UBTD2: variants seen among roughly 807,000 people sequenced by gnomAD.
The protein encoded by UBTD2 is ubiquitin domain containing 2.
A neutral mutation model predicts 19.8 loss-of-function variants in UBTD2; 9 were observed. The ratio of observed to expected loss-of-function variants is 0.46; its 90% CI spans 0.27 to 0.79. UBTD2 has a LOEUF of 0.79. Among genes scored for constraint, UBTD2 ranks in the 30% least tolerant of loss-of-function variants. UBTD2 has a pLI of 0.14. For missense variants in UBTD2, 250 were observed against 300.4 expected, an observed-to-expected ratio of 0.83 and a Z score of 1.24; for synonymous variants, 98 against 103.9, an observed-to-expected ratio of 0.94 and a Z score of 0.35.
chr5:172,266,789 C>T (rs1202921816), intron 1 of UBTD2, among the ~76,000 whole-genome samples: 1 of 152,148 alleles, frequency 6.6e-6, no homozygotes, highest in East Asian at 1.9e-4. Flanking sequence ...GTGATCCCAA[C>T]ACTTTGGGAG....
intron 1 of UBTD2, among the ~76,000 whole-genome samples, chr5:172,256,474 C>T (rs1755153837): frequency 6.6e-6 from 1 of 150,982 alleles, no homozygotes; most frequent in Admixed American, 6.6e-5. Flanking sequence ...CTCAAGTATA[C>T]TCCTTTTTTA....
At chr5:172,224,421 CCT>C (rs2113881829) in intron 2 of UBTD2, among the ~76,000 whole-genome samples, 1 of 151,398 alleles carries the variant, frequency 6.6e-6, no homozygotes, top group Admixed American at 6.6e-5. Flanking sequence ...GCCTCAGGCT[CCT>C]GAGATTACAG....
intron 1 of UBTD2, among the ~76,000 whole-genome samples, chr5:172,265,038 T>C (rs1755346983): frequency 1.3e-5 from 2 of 152,238 alleles, no homozygotes; most frequent in Admixed American, 1.3e-4. Context: ...AAGGGCAACC[T>C]AAGTCCACTG....
chr5:172,234,596 C>G (rs1771971256), intron 1 of UBTD2, among the ~76,000 whole-genome samples: 1 of 152,162 alleles, frequency 6.6e-6, no homozygotes, highest in Non-Finnish European at 1.5e-5. Flanking sequence ...TCAGTACACC[C>G]TCCACAGGAT....
intron 1 of UBTD2, chr5:172,255,065 G>T: frequency 2.0e-6 from 1 of 500,736 alleles, no homozygotes; most frequent in East Asian, 4.8e-5. Flanking sequence ...CATCATCTGC[G>T]GCATGGACAA....
At chr5:172,249,401 G>T (rs1199242795) in intron 1 of UBTD2, among the ~76,000 whole-genome samples, 1 of 63,304 alleles carries the variant, frequency 1.6e-5, no homozygotes, top group African/African-American at 5.9e-5. Flanking sequence ...TCCGTCTCAT[G>T]AAAAAAAAAA....
At chr5:172,240,192 TACCA>T in intron 1 of UBTD2, among the ~76,000 whole-genome samples, 1 of 152,188 alleles carries the variant, frequency 6.6e-6, no homozygotes, top group Non-Finnish European at 1.5e-5. Context: ...GTTGTGGAGA[TACCA>T]ACCATGATCA....
intron 1 of UBTD2, among the ~76,000 whole-genome samples, chr5:172,275,160 G>A (rs1032683192): frequency 6.6e-6 from 1 of 152,206 alleles, no homozygotes; most frequent in African/African-American, 2.4e-5. Context: ...CAACAAACAC[G>A]TCCTTGTTCA....
chr5:172,231,832 G>A (rs564929082), intron 2 of UBTD2, among the ~76,000 whole-genome samples: 32 of 152,224 alleles, frequency 2.1e-4, no homozygotes, highest in African/African-American at 6.5e-4. Context: ...ACTCCTTCCC[G>A]TTATATTATA....
At chr5:172,253,575 T>TCC (rs955632407) in intron 1 of UBTD2, among the ~76,000 whole-genome samples, 3 of 151,964 alleles carry the variant, frequency 2.0e-5, no homozygotes, top group African/African-American at 7.3e-5. Context: ...TGCCTTGGCC[T>TCC]CCCAAGTACC....
rs1755752511 is a variant in UBTD2 at position 172,283,122 on chromosome 5, C to T, written c.70+474G>A. Among the ~76,000 whole-genome samples the T allele has an allele frequency of 6.6e-6, 1 of 152,162 alleles. No individual in the cohort carries two copies. Among genetic ancestry groups the T allele is most frequent in the African/African-American group, 2.4e-5 (1 of 41,436 alleles). ...ATCTGGAACCAACCGGGGCAGCTGT[C>T]ATCTGAAACTCAGGAAAGCTGAGAC... On this transcript the variant is annotated intron_variant, in intron 1 of 2. Transcript: ENST00000393792. The surrounding 1 kb of genome is among the most constrained non-coding windows in gnomAD (Gnocchi z 4.3).
chr5:172,230,538 TA>T (rs11316698), intron 2 of UBTD2, among the ~76,000 whole-genome samples: 111,045 of 151,908 alleles, frequency 0.73, 41,906 homozygotes, highest in African/African-American at 0.93. Flanking sequence ...TCCCAAGAGG[TA>T]AGACAGTTAT....
intron 2 of UBTD2, among the ~76,000 whole-genome samples, chr5:172,216,966 A>C (rs1771555782): frequency 6.6e-6 from 1 of 152,030 alleles, no homozygotes; most frequent in Non-Finnish European, 1.5e-5. Flanking sequence ...ACCTTGCCTA[A>C]AAAAACCACA....
chr5:172,219,152 A>C (rs898732070), intron 2 of UBTD2, among the ~76,000 whole-genome samples: 1 of 152,256 alleles, frequency 6.6e-6, no homozygotes, highest in Non-Finnish European at 1.5e-5. Flanking sequence ...ATAACTTTCC[A>C]AAACAGAAAA....
At chr5:172,254,880 T>C in intron 1 of UBTD2, 1 of 502,834 alleles carries the variant, frequency 2.0e-6, no homozygotes, top group Non-Finnish European at 3.7e-6. Context: ...ATGCTACTAC[T>C]GGAATTTTTC....
At chr5:172,223,837 T>C (rs1388763141) in intron 2 of UBTD2, among the ~76,000 whole-genome samples, 1 of 151,946 alleles carries the variant, frequency 6.6e-6, no homozygotes, top group African/African-American at 2.4e-5. Flanking sequence ...TCAGATTAGT[T>C]AATGAGAAGG....
At chr5:172,283,768 C>A (rs918623009), upstream of UBTD2, 12 of 780,968 alleles carry the variant, frequency 1.5e-5, no homozygotes, top group Admixed American at 3.2e-4. The surrounding 1 kb of genome is among the most constrained non-coding windows in gnomAD (Gnocchi z 4.3). Flanking sequence ...TCCGGACAGG[C>A]GCGCCGCTCC....
intron 2 of UBTD2, among the ~76,000 whole-genome samples, chr5:172,215,787 A>G (rs1425151134): frequency 1.3e-5 from 2 of 152,248 alleles, no homozygotes; most frequent in African/African-American, 4.8e-5. Flanking sequence ...AAACCACTGT[A>G]ACAGAAATAA....
chr5:172,236,781 T>C (rs995148236), intron 1 of UBTD2, among the ~76,000 whole-genome samples: 1 of 152,196 alleles, frequency 6.6e-6, no homozygotes, highest in Non-Finnish European at 1.5e-5. Context: ...TAATTTTTCC[T>C]GTCATTCTGA....
Sources: gnomAD v4.1 joint callset for allele counts (sites outside exome capture counted in the v4.1 genomes callset) on GRCh38, gnomAD v4.1.1 for gene constraint, Gnocchi (gnomAD v3.1) non-coding constraint, MANE v1.5 for transcripts, NCBI Gene and HGNC (gene_info 2026-07-23, HGNC 2026-07-21) for gene names.